Variants in ITIH2 observed in about 807,000 individuals in gnomAD.
The protein encoded by ITIH2 is inter-alpha-trypsin inhibitor heavy chain H2.
Under a neutral mutation model 104.4 loss-of-function variants are expected in ITIH2, and 103 were observed. That is an observed-to-expected ratio of 0.99 (90% CI 0.84 to 1.16). The LOEUF (loss-of-function observed/expected upper bound fraction) is 1.16. Among genes scored for constraint, ITIH2 ranks in the 50% most tolerant of loss-of-function variants. The probability of loss-of-function intolerance (pLI) is 0.00; values close to 1 mark genes in which losing one functional copy is unlikely to be tolerated. For missense variants in ITIH2, 1,108 were observed against 1,162.4 expected, an observed-to-expected ratio of 0.95 and a Z score of 0.68; for synonymous variants, 436 against 435.4, an observed-to-expected ratio of 1.00 and a Z score of -0.02.
rs778608459 is a variant in ITIH2 at position 7,744,910 on chromosome 10, G to C, written c.2528G>C (p.Gly843Ala). 6 of 1,613,970 alleles carry C rather than the reference G, an allele frequency of 3.7e-6. No individual in the cohort carries two copies. In the Admixed American group the frequency reaches 1.0e-4, roughly 27 times the overall value. The change falls in exon 19 of 21, where the codon GGA (glycine) becomes GCA (alanine). Residue 843 changes from glycine to alanine, a missense_variant. Transcript: ENST00000358415. ...CATCCCGTCAATGTTGACTTTCTGG[G>C]AATCTACATACCCCCTACAAACAAG... ...KKHPVNVDFLGIYIPPTNKFS... is the reference protein window; with the variant it reads ...KKHPVNVDFLAIYIPPTNKFS...
chr10:7,746,492 A>T (rs979976927), intron 19 of ITIH2, 101 bp from the exon 20 acceptor site: 4 of 749,916 alleles, frequency 5.3e-6, no homozygotes, highest in African/African-American at 5.2e-5. Flanking sequence ...CACCCTAGAA[A>T]TCCTGGAGGG....
chr10:7,744,991 G>A lies in ITIH2; in HGVS notation c.2581+28G>A, dbSNP rs1469723496. The A allele has an allele frequency of 2.5e-6, 4 of 1,596,440 alleles. No homozygotes were observed. In the African/African-American group the frequency reaches 5.4e-5, roughly 21 times the overall value. On this transcript the variant is annotated intron_variant, in intron 19 of 20. Coordinates refer to ENST00000358415, the MANE Select transcript of ITIH2 (RefSeq NM_002216.3). Reference sequence around the variant, plus strand: ...AAAGTGTCTATTGACCATCTGACAAGGGTGGGGCCGCTCTAATTCTTTAGC... The same window carrying A: ...AAAGTGTCTATTGACCATCTGACAAAGGTGGGGCCGCTCTAATTCTTTAGC...
intron 14 of ITIH2, among the ~76,000 whole-genome samples, chr10:7,732,815 C>T (rs2130956502): frequency 6.6e-6 from 1 of 152,248 alleles, no homozygotes; most frequent in African/African-American, 2.4e-5. Context: ...GCAAGCTCCG[C>T]CTCCCGGGTT....
At chr10:7,734,294 G>A (rs1479139094) in intron 14 of ITIH2, among the ~76,000 whole-genome samples, 4 of 152,196 alleles carry the variant, frequency 2.6e-5, no homozygotes, top group Non-Finnish European at 5.9e-5. Context: ...GGGGAAGGCC[G>A]TGTATATGGG....
chr10:7,723,224 G>A (rs1372848620), intron 8 of ITIH2, among the ~76,000 whole-genome samples: 6 of 151,906 alleles, frequency 3.9e-5, no homozygotes, highest in African/African-American at 1.4e-4. Flanking sequence ...GCGGTGTGGA[G>A]TGAAGCAGCG....
chr10:7,713,911 T>C (rs1834821499), intron 5 of ITIH2, among the ~76,000 whole-genome samples: 3 of 152,018 alleles, frequency 2.0e-5, no homozygotes. Flanking sequence ...CTTTGTTGTC[T>C]AGGCTGGCCT....
intron 15 of ITIH2, among the ~76,000 whole-genome samples, chr10:7,736,229 T>C (rs1286165308): frequency 3.3e-5 from 5 of 152,030 alleles, no homozygotes. Flanking sequence ...TAGCCAGCCA[T>C]GGTGGCACAT....
chr10:7,710,923 T>TC (rs1261189774), intron 4 of ITIH2, among the ~76,000 whole-genome samples: 1 of 151,828 alleles, frequency 6.6e-6, no homozygotes, highest in Non-Finnish European at 1.5e-5. Context: ...TTTCCTTCTT[T>TC]TTTTTTTTTC....
At chr10:7,737,736 ATATTC>A (rs1835078304) in intron 15 of ITIH2, among the ~76,000 whole-genome samples, 1 of 34,098 alleles carries the variant, frequency 2.9e-5, no homozygotes, top group African/African-American at 1.6e-4. Flanking sequence ...ATTCTATATT[ATATTC>A]TATATAATAT....
At chr10:7,731,423 GA>G (rs1835002184) in intron 12 of ITIH2, among the ~76,000 whole-genome samples, 1 of 152,036 alleles carries the variant, frequency 6.6e-6, no homozygotes, top group South Asian at 2.1e-4. Flanking sequence ...CTGATTCTTT[GA>G]AGAATCTCAG....
intron 6 of ITIH2, among the ~76,000 whole-genome samples, chr10:7,719,496 T>G (rs749272295): frequency 1.3e-5 from 2 of 152,080 alleles, no homozygotes; most frequent in African/African-American, 2.4e-5. Flanking sequence ...GATTAGCATC[T>G]AAGCCTAGGA....
rs541937420 is a variant in ITIH2, at chr10:7,711,099, C to T, written c.362+1908C>T. ...TGCTCTCCCTCCCCTTGCCCCCTAC[C>T]GCCCGACAGGACACGGTGTGTAATA... On this transcript the variant is annotated intron_variant, in intron 4 of 20. Coordinates refer to ENST00000358415, the MANE Select transcript of ITIH2 (RefSeq NM_002216.3). Among the ~76,000 whole-genome samples the T allele has an allele frequency of 9.9e-5, 15 of 152,172 alleles. No individual in the cohort carries two copies. The East Asian group carries it at 1.2e-3, about 12-fold the overall frequency.
intron 4 of ITIH2, among the ~76,000 whole-genome samples, chr10:7,710,745 A>G (rs747602271): frequency 1.3e-5 from 2 of 152,184 alleles, no homozygotes; most frequent in Non-Finnish European, 2.9e-5. Context: ...TTTAAAATGT[A>G]TCACTTTTTT....
intron 20 of ITIH2, among the ~76,000 whole-genome samples, chr10:7,748,488 GAA>G (rs1275271589): frequency 1.6e-5 from 2 of 124,018 alleles, no homozygotes; most frequent in Non-Finnish European, 3.2e-5. Context: ...TAAACACAGA[GAA>G]AGTGCAGTTA....
chr10:7,720,925 T>C lies in ITIH2; in HGVS notation c.700T>C (p.Phe234Leu), dbSNP rs776500224. Residue 234 changes from phenylalanine (F) to leucine (L), a missense_variant, in exon 7 of 21, where the codon TTC (phenylalanine) becomes CTC (leucine). Physicochemically the swap from Phe to Leu is conservative, Grantham distance 22. Transcript: ENST00000358415. ...LHVPDTFEGH[F>L]DGVPVISKGQ... ...TGTTCCCGACACATTTGAAGGCCAT[T>C]TCGATGGTGTTCCGGTCATTTCTAA... is the stretch of plus-strand genomic sequence containing the variant. 1 of 1,613,658 alleles carries C rather than the reference T, an allele frequency of 6.2e-7. No homozygotes were observed. Among genetic ancestry groups the C allele is most frequent in the South Asian group, 1.1e-5 (1 of 91,072 alleles).
chr10:7,724,570 CAA>C (rs374923183), intron 9 of ITIH2, among the ~76,000 whole-genome samples: 10 of 51,862 alleles, frequency 1.9e-4, no homozygotes, highest in African/African-American at 3.2e-4. Flanking sequence ...AACTCCATCT[CAA>C]AAAAAAAAAA....
Position 7,746,701 on chromosome 10 carries a change from C to A in ITIH2, c.2690C>A (p.Thr897Asn), listed in dbSNP as rs776560391. ...MEVKGQKLII[T>N]RGLQKDYRTD... The stretch of plus-strand genomic sequence containing the variant: ...GTGAAGGGGCAGAAGCTGATCATCA[C>A]CAGGTAGGCCTCGGGCGTAAGGACA... Residue 897 changes from threonine (T) to asparagine (N), a missense_variant, in exon 20 of 21, where the codon ACC (threonine) becomes AAC (asparagine). Coordinates refer to ENST00000358415, the MANE Select transcript of ITIH2 (RefSeq NM_002216.3). 1.9e-6 allele frequency: 3 copies of A among 1,601,788 alleles called. No individual in the cohort carries two copies. The highest frequency in any genetic ancestry group is 2.7e-5 in the African/African-American group (2 of 74,636).
chr10:7,746,596 A>C lies in ITIH2; in HGVS notation c.2585A>C (p.Gln862Pro). The C allele has an allele frequency of 8.1e-6, 13 of 1,606,808 alleles. No homozygotes were observed. The highest frequency in any genetic ancestry group is 1.0e-5 in the Non-Finnish European group (12 of 1,173,622). The part of the protein sequence containing the change: ...FSPKAHGLIG[Q>P]FMQEPKIHIF... The stretch of plus-strand genomic sequence containing the variant: ...ATGTCTGATTCTGTTTTGCTAGGCC[A>C]GTTCATGCAGGAACCAAAGATACAC... The change falls in exon 20 of 21, where the codon CAG becomes CCG. Residue 862 changes from glutamine (Q) to proline (P), a missense_variant. Coordinates refer to ENST00000358415, the MANE Select transcript of ITIH2 (RefSeq NM_002216.3).
At chr10:7,722,931 G>T (rs1834917847) in intron 8 of ITIH2, among the ~76,000 whole-genome samples, 1 of 152,366 alleles carries the variant, frequency 6.6e-6, no homozygotes, top group East Asian at 1.9e-4. Flanking sequence ...TGGAACAGGG[G>T]CTCTCTGTAA....
Sources: gnomAD v4.1 joint callset for allele counts (sites outside exome capture counted in the v4.1 genomes callset) on GRCh38, gnomAD v4.1.1 for gene constraint, MANE v1.5 for transcripts, NCBI Gene and HGNC (gene_info 2026-07-23, HGNC 2026-07-21) for gene names.